NRXN2: variants seen among roughly 807,000 people sequenced by gnomAD.
The protein encoded by NRXN2 is neurexin-2-beta.
Under a neutral mutation model 128.8 loss-of-function variants are expected in NRXN2, and 29 were observed. The observed-to-expected ratio is 0.23, with a 90% CI of 0.17 to 0.31. NRXN2 has a LOEUF of 0.31. Among genes scored for constraint, NRXN2 ranks in the 10% least tolerant of loss-of-function variants. The pLI, the probability that NRXN2 is intolerant of heterozygous loss-of-function variation, is 1.00. For missense variants in NRXN2, 1,881 were observed against 2,452.6 expected (o/e 0.77, Z 4.92); for synonymous variants, 1,098 against 1,075.2 (o/e 1.02, Z -0.41).
At chr11:64,637,197 C>G (rs1203230212) in intron 17 of NRXN2, among the ~76,000 whole-genome samples, 3 of 152,110 alleles carry the variant, frequency 2.0e-5, no homozygotes, top group South Asian at 2.1e-4. Context: ...TAACTGACAT[C>G]TCACCTCTGC....
At chr11:64,712,808 C>A in intron 2 of NRXN2, 162 bp downstream of exon 2, 1 of 760,074 alleles carries the variant, frequency 1.3e-6, no homozygotes, top group South Asian at 1.5e-5. Context: ...GCGCCCTCGC[C>A]CGGACACGCG....
chr11:64,619,642 G>A (rs1024917492), intron 22 of NRXN2, among the ~76,000 whole-genome samples: 1 of 152,040 alleles, frequency 6.6e-6, no homozygotes, highest in African/African-American at 2.4e-5. Flanking sequence ...TAGAATCTGG[G>A]CCAGACCTCA....
At position 64,606,982 on chromosome 11, in the gene NRXN2, T is replaced by C. The variant is rs1216323988; in HGVS notation, c.*214A>G. 6.9e-6 allele frequency: 4 copies of C among 582,336 alleles called. No individual in the cohort carries two copies. The highest frequency in any genetic ancestry group is 2.9e-5 in the East Asian group (1 of 34,992). The allele number at this position is 582,336 out of a possible 1,614,324, so 36.1% of individuals were successfully genotyped here. On this transcript the variant is annotated 3_prime_UTR_variant, in exon 23 of 23. Transcript: ENST00000265459. ...GCAGGCGCAGAGCTGAGAGGGACAG[T>C]CAGCCCCGGGACTGACGAGGCCGCG...
intron 18 of NRXN2, among the ~76,000 whole-genome samples, chr11:64,634,932 A>T (rs2044476656): frequency 6.6e-6 from 1 of 152,114 alleles, no homozygotes; most frequent in Non-Finnish European, 1.5e-5. Context: ...CAAATGTGGG[A>T]CACCTCCGAA....
At chr11:64,657,161 G>A (rs2048391036) in intron 11 of NRXN2, among the ~76,000 whole-genome samples, 1 of 152,228 alleles carries the variant, frequency 6.6e-6, no homozygotes. Flanking sequence ...TCCAGCCCAG[G>A]CCTGGGGCCT....
intron 2 of NRXN2, among the ~76,000 whole-genome samples, chr11:64,709,657 T>A (rs2056700499): frequency 6.6e-6 from 1 of 152,082 alleles, no homozygotes; most frequent in Non-Finnish European, 1.5e-5. Context: ...AAGCCTTTAT[T>A]CTCTCAATTA....
chr11:64,617,006 G>A lies in NRXN2; in HGVS notation c.4252+3288C>T, dbSNP rs1250024419. Among the ~76,000 whole-genome samples the A allele has an allele frequency of 2.0e-5, 3 of 152,320 alleles. No homozygotes were observed. In the East Asian group the frequency reaches 5.8e-4, roughly 29 times the overall value. On this transcript the variant is annotated intron_variant, in intron 22 of 22. Transcript: ENST00000265459. Reference sequence around the variant, plus strand: ...TGTGCTTTCATTAGGCTATGCATGTGTGCATGAGTTTATGCTTCTGTGAGT... The same window carrying A: ...TGTGCTTTCATTAGGCTATGCATGTATGCATGAGTTTATGCTTCTGTGAGT...
intron 6 of NRXN2, among the ~76,000 whole-genome samples, chr11:64,684,139 G>C (rs149981657): frequency 1.3e-5 from 2 of 152,222 alleles, no homozygotes; most frequent in Non-Finnish European, 2.9e-5. Flanking sequence ...TTGGTCATAT[G>C]ATGCATGGAT....
In NRXN2 at chr11:64,667,828, G is replaced by T. The variant is rs1345116785; in HGVS notation, c.1360-140C>A. On this transcript the variant is annotated intron_variant, in intron 8 of 22. Transcript: ENST00000265459. This position sits in a 1 kb window ranked among gnomAD's most constrained non-coding sequence, Gnocchi z 5.6. ...TCAGTTCCACCAGACCACCCGCTTAGGCCTCTGTTCTACAGCTTCAGACAC... is the reference window on the plus strand; with the variant it reads ...TCAGTTCCACCAGACCACCCGCTTATGCCTCTGTTCTACAGCTTCAGACAC... 2.6e-6 allele frequency: 2 copies of T among 767,848 alleles called. No homozygotes were observed. Among genetic ancestry groups the T allele is most frequent in the Non-Finnish European group, 4.5e-6 (2 of 447,076 alleles). The allele number at this position is 767,848 out of a possible 1,614,324, so 47.6% of individuals were successfully genotyped here.
chr11:64,715,212 A>G (rs369046969), intron 1 of NRXN2, among the ~76,000 whole-genome samples: 1 of 152,202 alleles, frequency 6.6e-6, no homozygotes, highest in Non-Finnish European at 1.5e-5. Flanking sequence ...GCATTTTTAC[A>G]AATGTCATTT....
chr11:64,627,780 G>C (rs10792443), intron 19 of NRXN2, among the ~76,000 whole-genome samples: 77,289 of 152,028 alleles, frequency 0.51, 23,502 homozygotes, highest in Non-Finnish European at 0.7. Flanking sequence ...TTTCCTTTGA[G>C]AATCTGGCCA....
chr11:64,714,951 G>GGGGA lies in NRXN2; in HGVS notation c.-244-1012_-244-1009dup, dbSNP rs1164441403. The stretch of plus-strand genomic sequence containing the variant: ...CTGAATATTGCATTGATTTTATTTT[G>GGGGA]GGGAGGGAGGGAGAGAAGGAGGTGG... On this transcript the variant is annotated intron_variant, in intron 1 of 22. Coordinates refer to ENST00000265459, the MANE Select transcript of NRXN2 (RefSeq NM_015080.4). This position sits in a 1 kb window ranked among gnomAD's most constrained non-coding sequence, Gnocchi z 4.5. Among the ~76,000 whole-genome samples, 2 of 152,022 alleles carry GGGGA rather than the reference G, an allele frequency of 1.3e-5. No individual in the cohort carries two copies. The highest frequency in any genetic ancestry group is 1.3e-4 in the Admixed American group (2 of 15,254).
rs57362080 is a variant in NRXN2 at position 64,657,753 on chromosome 11, A to G, written c.2389+2579T>C. Among the ~76,000 whole-genome samples, 969 of 152,292 alleles carry G rather than the reference A, an allele frequency of 6.4e-3. 8 individuals are homozygous for G. Among genetic ancestry groups the G allele is most frequent in the African/African-American group, 0.022 (924 of 41,552 alleles). On this transcript the variant is annotated intron_variant, in intron 11 of 22. Coordinates refer to ENST00000265459, the MANE Select transcript of NRXN2 (RefSeq NM_015080.4). ...CTGGGTAGGGGCCACCTGCGTGTCC[A>G]CAGTGCCTACAGAGGAGGAATCTGT... is the stretch of plus-strand genomic sequence containing the variant.
intron 6 of NRXN2, among the ~76,000 whole-genome samples, chr11:64,679,343 A>T (rs2051827822): frequency 6.6e-6 from 1 of 152,220 alleles, no homozygotes; most frequent in African/African-American, 2.4e-5. Context: ...GCAAATTAAG[A>T]ATCAGGATTG....
At chr11:64,688,755 G>C (rs764448611) in intron 5 of NRXN2, 3 of 985,352 alleles carry the variant, frequency 3.0e-6, no homozygotes. Context: ...TGTGGCTAGA[G>C]ACTAGTTGTT....
chr11:64,671,744 G>T (rs1380698544), intron 7 of NRXN2, among the ~76,000 whole-genome samples: 1 of 152,030 alleles, frequency 6.6e-6, no homozygotes, highest in Non-Finnish European at 1.5e-5. Context: ...GCTTCCTTCC[G>T]ATGATGGGGG....
chr11:64,645,818 G>A (rs1025816480), intron 17 of NRXN2, among the ~76,000 whole-genome samples: 1 of 151,900 alleles, frequency 6.6e-6, no homozygotes, highest in African/African-American at 2.4e-5. Context: ...CCACCCTTCA[G>A]AGGACAGGCC....
At chr11:64,633,415 C>T (rs1320061629) in intron 18 of NRXN2, among the ~76,000 whole-genome samples, 2 of 152,212 alleles carry the variant, frequency 1.3e-5, no homozygotes, top group African/African-American at 4.8e-5. Flanking sequence ...CTATGCCACT[C>T]CATAGATGGG....
At chr11:64,700,816 T>C (rs2135620048) in intron 2 of NRXN2, among the ~76,000 whole-genome samples, 1 of 152,318 alleles carries the variant, frequency 6.6e-6, no homozygotes, top group African/African-American at 2.4e-5. Context: ...CATCTGTCTT[T>C]AGAGCCGCTG....
Sources: gnomAD v4.1 joint callset for allele counts (sites outside exome capture counted in the v4.1 genomes callset) on GRCh38, gnomAD v4.1.1 for gene constraint, Gnocchi (gnomAD v3.1) non-coding constraint, MANE v1.5 for transcripts, NCBI Gene and HGNC (gene_info 2026-07-23, HGNC 2026-07-21) for gene names.